The following PUDP variants were observed in gnomAD, a reference collection of about 807,000 sequenced individuals.
The protein encoded by PUDP is pseudouridine-5'-phosphatase.
Under a neutral mutation model 9.4 loss-of-function variants are expected in PUDP, and 8 were observed. The observed-to-expected ratio is 0.85, with a 90% CI of 0.50 to 1.53. The LOEUF is 1.53. Among genes scored for constraint, PUDP ranks in the 40% most tolerant of loss-of-function variants. The pLI is 0.00. For missense variants in PUDP, 188 were observed against 189.7 expected, an observed-to-expected ratio of 0.99 and a Z score of 0.05; for synonymous variants, 99 against 80.7, an observed-to-expected ratio of 1.23 and a Z score of -1.22.
rs1041828003 is a variant in PUDP at position 6,887,661 on chromosome X, TA to T, written c.*247+89471del. Among the ~76,000 whole-genome samples the T allele has an allele frequency of 2.7e-5, 3 of 111,837 alleles. No individual in the cohort carries two copies. The Admixed American group carries it at 2.9e-4, about 11-fold the overall frequency. On this transcript the variant is annotated intron_variant and NMD_transcript_variant, in intron 3 of 3. Coordinates refer to the PUDP transcript ENST00000655425. ...AATATATAGTAAGGGACAGATTCATTACAAAGGACCTCAGCAAATGAGCATC... is the reference window on the plus strand; with the variant it reads ...AATATATAGTAAGGGACAGATTCATTCAAAGGACCTCAGCAAATGAGCATC...
At chrX:6,775,501 A>AC (rs1925438039) in intron 3 of PUDP, among the ~76,000 whole-genome samples, 1 of 49,861 alleles carries the variant, frequency 2.0e-5, no homozygotes, top group South Asian at 1.0e-3. Flanking sequence ...ATATACACAC[A>AC]CATACACACA....
intron 3 of PUDP, among the ~76,000 whole-genome samples, chrX:6,759,425 CAG>C (rs2146674045): frequency 8.9e-6 from 1 of 112,125 alleles, no homozygotes; most frequent in African/African-American, 3.2e-5. Flanking sequence ...AGGTTCTCTG[CAG>C]AGAGCAGGGT....
At chrX:7,083,346 G>C (rs761254664) in intron 2 of PUDP, among the ~76,000 whole-genome samples, 5 of 112,182 alleles carry the variant, frequency 4.5e-5, no homozygotes, top group Admixed American at 1.9e-4. Context: ...CCAGAGAAAA[G>C]TGGGCGAGGA....
intron 1 of PUDP, among the ~76,000 whole-genome samples, chrX:7,140,970 C>T (rs181743452): frequency 8.5e-4 from 95 of 111,583 alleles, no homozygotes; most frequent in African/African-American, 2.9e-3. Context: ...CCATGAACCG[C>T]ACCCATATAA....
rs1476504490 is a variant in PUDP, at chrX:7,089,954, C to T, written c.281-12505G>A. ...GCAGGAAATCAGCCAGGCATTGACA[C>T]CTAACCCCTTTGCCCCCTTGCCTGT... On this transcript the variant is annotated intron_variant, in intron 2 of 3. Transcript: ENST00000381077. Among the ~76,000 whole-genome samples, 3 of 111,750 alleles carry T rather than the reference C, an allele frequency of 2.7e-5. No individual in the cohort carries two copies. In the Admixed American group the frequency reaches 2.9e-4, roughly 11 times the overall value.
At chrX:6,943,023 G>A (rs192988587) in intron 3 of PUDP, among the ~76,000 whole-genome samples, 1 of 112,232 alleles carries the variant, frequency 8.9e-6, no homozygotes, top group African/African-American at 3.2e-5. Context: ...TGCTTCAGCA[G>A]CCAAATGAAA....
At chrX:6,777,462 T>TA (rs1277991977) in intron 3 of PUDP, among the ~76,000 whole-genome samples, 1 of 112,263 alleles carries the variant, frequency 8.9e-6, no homozygotes, top group African/African-American at 3.2e-5. Flanking sequence ...ACCTAAGCTG[T>TA]ATTATTTGCT....
chrX:7,028,627 C>G (rs1929750625), intron 1 of PUDP, among the ~76,000 whole-genome samples: 1 of 111,465 alleles, frequency 9.0e-6, no homozygotes, highest in Non-Finnish European at 1.9e-5. Context: ...TAATGCAGCT[C>G]AGTTCTAGAG....
chrX:6,933,474 A>C (rs1569126396), intron 3 of PUDP, among the ~76,000 whole-genome samples: 1 of 110,254 alleles, frequency 9.1e-6, no homozygotes, highest in African/African-American at 3.3e-5. Context: ...CCACACCAAA[A>C]ACCCATCTGT....
intron 3 of PUDP, among the ~76,000 whole-genome samples, chrX:6,839,967 T>A (rs756890837): frequency 3.6e-5 from 4 of 110,966 alleles, no homozygotes; most frequent in African/African-American, 1.3e-4. Context: ...TTGCCAAATC[T>A]TGGAAGCAAC....
At chrX:6,956,112 C>T (rs937303407) in intron 3 of PUDP, among the ~76,000 whole-genome samples, 4 of 112,240 alleles carry the variant, frequency 3.6e-5, no homozygotes, top group Non-Finnish European at 7.5e-5. Flanking sequence ...TGCAGTGGTG[C>T]GATCTCAGCT....
At chrX:6,871,465 T>C (rs1445239145) in intron 3 of PUDP, among the ~76,000 whole-genome samples, 1 of 112,045 alleles carries the variant, frequency 8.9e-6, no homozygotes, top group African/African-American at 3.2e-5. Context: ...AGGAAGCCTT[T>C]TCATCACTCC....
At chrX:6,708,245 C>T (rs1924492806) in intron 1 of PUDP, among the ~76,000 whole-genome samples, 1 of 111,538 alleles carries the variant, frequency 9.0e-6, no homozygotes, top group African/African-American at 3.3e-5. Flanking sequence ...TGCCAACAGC[C>T]TCTGGTAGCA....
chrX:6,706,776 G>A (rs1004745654), intron 1 of PUDP, among the ~76,000 whole-genome samples: 7 of 111,378 alleles, frequency 6.3e-5, no homozygotes, highest in African/African-American at 2.3e-4. Flanking sequence ...CCTTCTTCCC[G>A]ACCAGGGGCA....
At chrX:7,017,966 C>T (rs1426793304) in intron 1 of PUDP, among the ~76,000 whole-genome samples, 2 of 111,720 alleles carry the variant, frequency 1.8e-5, no homozygotes, top group African/African-American at 6.5e-5. Context: ...CCCACCAAAA[C>T]CAAGATGGCC....
At chrX:6,979,899 T>A (rs982980007) in intron 1 of PUDP, among the ~76,000 whole-genome samples, 2 of 111,248 alleles carry the variant, frequency 1.8e-5, no homozygotes, top group Non-Finnish European at 3.8e-5. Context: ...TTTTTTTCTA[T>A]AGTTGAACTT....
At chrX:6,798,427 C>T (rs1230808408) in intron 3 of PUDP, among the ~76,000 whole-genome samples, 2 of 111,712 alleles carry the variant, frequency 1.8e-5, no homozygotes, top group Non-Finnish European at 3.8e-5. Flanking sequence ...TATCATGTTA[C>T]AATGCATAAT....
chrX:6,939,595 G>A (rs1047064492), intron 3 of PUDP, among the ~76,000 whole-genome samples: 5 of 110,220 alleles, frequency 4.5e-5, no homozygotes, highest in African/African-American at 1.6e-4. Context: ...CAGGTGCAGT[G>A]GCTCATGCTT....
intron 3 of PUDP, among the ~76,000 whole-genome samples, chrX:6,791,318 CAAA>C (rs35244825): frequency 2.4e-5 from 2 of 82,496 alleles, no homozygotes; most frequent in African/African-American, 4.6e-5. Flanking sequence ...GACTCTGTCT[CAAA>C]AAAAAAAAAA....
Sources: allele counts gnomAD v4.1 joint callset (sites outside exome capture counted in the v4.1 genomes callset), GRCh38; gene constraint gnomAD v4.1.1; transcripts MANE v1.5; gene names NCBI Gene and HGNC (gene_info 2026-07-23, HGNC 2026-07-21).